Variants in PDE4B observed in about 807,000 individuals in gnomAD.
The protein encoded by PDE4B is 3',5'-cyclic-AMP phosphodiesterase 4B.
A neutral mutation model predicts 82.2 loss-of-function variants in PDE4B; 20 were observed. The observed-to-expected ratio is 0.24, with a 90% CI of 0.17 to 0.35. The LOEUF (loss-of-function observed/expected upper bound fraction) is 0.35, where lower values mean the gene tolerates loss of function less well. Among genes scored for constraint, PDE4B ranks in the 10% least tolerant of loss-of-function variants. PDE4B has a pLI of 1.00. For synonymous variants in PDE4B, 320 were observed against 318.9 expected, an observed-to-expected ratio of 1.00 and a Z score of -0.04; for missense variants, 655 against 907.2, an observed-to-expected ratio of 0.72 and a Z score of 3.57.
intron 1 of PDE4B, among the ~76,000 whole-genome samples, chr1:65,849,504 C>T (rs1244255242): frequency 6.6e-6 from 1 of 152,122 alleles, no homozygotes; most frequent in African/African-American, 2.4e-5. Context: ...GTTGTCCGGC[C>T]AGTGACTTTT....
intron 3 of PDE4B, among the ~76,000 whole-genome samples, chr1:65,960,694 C>G (rs148745140): frequency 9.0e-4 from 137 of 152,156 alleles, no homozygotes; most frequent in African/African-American, 3.2e-3. Context: ...AAATGCTATC[C>G]TACGTTGTGT....
chr1:66,057,206 G>T (rs1402031600), intron 3 of PDE4B, among the ~76,000 whole-genome samples: 2 of 152,112 alleles, frequency 1.3e-5, no homozygotes, highest in African/African-American at 4.8e-5. Flanking sequence ...TGAGCACTTA[G>T]TATACACCAA....
chr1:66,300,216 AT>A (rs1399080186), intron 7 of PDE4B, among the ~76,000 whole-genome samples: 1 of 152,128 alleles, frequency 6.6e-6, no homozygotes, highest in Admixed American at 6.5e-5. Flanking sequence ...ATTTTTGTTG[AT>A]TTTAGTTCCC....
chr1:66,213,698 CTG>C (rs1485407486), intron 3 of PDE4B, among the ~76,000 whole-genome samples: 2 of 152,140 alleles, frequency 1.3e-5, no homozygotes, highest in Non-Finnish European at 2.9e-5. Context: ...CTGTGTTAAA[CTG>C]CATTTGGACC....
At chr1:66,059,678 A>C (rs1296527126) in intron 3 of PDE4B, among the ~76,000 whole-genome samples, 1 of 152,134 alleles carries the variant, frequency 6.6e-6, no homozygotes, top group Admixed American at 6.5e-5. Flanking sequence ...CGCAGAAAAG[A>C]CCTGCCCCCA....
chr1:66,181,291 C>A (rs192988923), intron 3 of PDE4B, among the ~76,000 whole-genome samples: 5 of 152,120 alleles, frequency 3.3e-5, no homozygotes, highest in African/African-American at 1.2e-4. Context: ...TTTAGATACC[C>A]ACCCTTGGGT....
intron 6 of PDE4B, among the ~76,000 whole-genome samples, chr1:66,264,146 G>T (rs1434098448): frequency 6.6e-6 from 1 of 152,186 alleles, no homozygotes; most frequent in Non-Finnish European, 1.5e-5. Flanking sequence ...AGAAGTACAG[G>T]ATGCATGAGA....
At chr1:65,960,300 A>G (rs1184157940) in intron 3 of PDE4B, among the ~76,000 whole-genome samples, 4 of 152,088 alleles carry the variant, frequency 2.6e-5, no homozygotes, top group African/African-American at 4.8e-5. Flanking sequence ...CCAAGGCACT[A>G]GCAAGAATGA....
chr1:66,254,519 T>C (rs1427583601), intron 4 of PDE4B, among the ~76,000 whole-genome samples: 1 of 152,130 alleles, frequency 6.6e-6, no homozygotes, highest in Non-Finnish European at 1.5e-5. Flanking sequence ...CCTACTTTTG[T>C]AGGAAACCCC....
At chr1:65,898,019 A>G (rs1646929914) in intron 1 of PDE4B, among the ~76,000 whole-genome samples, 1 of 151,964 alleles carries the variant, frequency 6.6e-6, no homozygotes. Flanking sequence ...ACTTTTAAGT[A>G]ATAGCTATTC....
At chr1:65,916,315 T>G (rs1289541249) in intron 2 of PDE4B, among the ~76,000 whole-genome samples, 1 of 152,180 alleles carries the variant, frequency 6.6e-6, no homozygotes, top group Non-Finnish European at 1.5e-5. Flanking sequence ...TATTTTGTGA[T>G]AGGTGTGACT....
intron 1 of PDE4B, among the ~76,000 whole-genome samples, chr1:65,879,271 C>G (rs919127987): frequency 6.6e-6 from 1 of 152,114 alleles, no homozygotes. Flanking sequence ...CCAGAACTAA[C>G]AGATAACTAC....
At chr1:65,855,296 T>C (rs1369556784) in intron 1 of PDE4B, among the ~76,000 whole-genome samples, 1 of 152,170 alleles carries the variant, frequency 6.6e-6, no homozygotes, top group Non-Finnish European at 1.5e-5. Context: ...GAATGTTACA[T>C]TGTTGAGTAT....
intron 3 of PDE4B, among the ~76,000 whole-genome samples, chr1:66,189,707 C>T (rs1477997357): frequency 1.3e-5 from 2 of 152,150 alleles, no homozygotes; most frequent in Non-Finnish European, 1.5e-5. Flanking sequence ...GACTTCTCTG[C>T]ATTGGTTATT....
chr1:65,915,925 A>G (rs555920323), intron 2 of PDE4B, among the ~76,000 whole-genome samples: 5 of 152,204 alleles, frequency 3.3e-5, no homozygotes, highest in Non-Finnish European at 5.9e-5. Context: ...CAGAGGTAAC[A>G]TTCAAATTAA....
chr1:66,034,310 A>T (rs917351043), intron 3 of PDE4B, among the ~76,000 whole-genome samples: 1 of 152,246 alleles, frequency 6.6e-6, no homozygotes, highest in African/African-American at 2.4e-5. Flanking sequence ...TTGAAAGTTA[A>T]AAATTTCACA....
chr1:66,237,959 AG>A (rs920835324), intron 3 of PDE4B, among the ~76,000 whole-genome samples: 2 of 152,198 alleles, frequency 1.3e-5, no homozygotes, highest in Non-Finnish European at 2.9e-5. Context: ...AGGCAATAAA[AG>A]GGGAAAAAAA....
chr1:66,219,048 C>G (rs1650746938), intron 3 of PDE4B, among the ~76,000 whole-genome samples: 1 of 152,134 alleles, frequency 6.6e-6, no homozygotes, highest in Admixed American at 6.6e-5. Flanking sequence ...CAAGTTACCA[C>G]TCACTTAGGG....
chr1:65,960,441 G>A (rs904633761), intron 3 of PDE4B, among the ~76,000 whole-genome samples: 3 of 152,044 alleles, frequency 2.0e-5, no homozygotes, highest in East Asian at 3.9e-4. Context: ...GAGGTTGAAA[G>A]TTTTTTATTC....
Sources: gnomAD v4.1 joint callset for allele counts (sites outside exome capture counted in the v4.1 genomes callset) on GRCh38, gnomAD v4.1.1 for gene constraint, MANE v1.5 for transcripts, NCBI Gene and HGNC (gene_info 2026-07-23, HGNC 2026-07-21) for gene names.